Variants in PLEC observed in about 807,000 individuals in gnomAD.
PLEC encodes the protein plectin.
Under a neutral mutation model 392.8 loss-of-function variants are expected in PLEC, and 216 were observed. The observed-to-expected ratio is 0.55, with a 90% confidence interval of 0.49 to 0.62. PLEC has a LOEUF of 0.62. Ranked by LOEUF, PLEC falls within the 20% of genes least tolerant of loss-of-function variation. The pLI, the probability that PLEC is intolerant of heterozygous loss-of-function variation, is 0.00. For missense variants in PLEC, 6,863 were observed against 6,563.4 expected (o/e 1.05, Z -1.58); for synonymous variants, 3,621 against 2,980.6 (o/e 1.21, Z -7.00).
intron 10 of PLEC, 54 bp from the exon 11 acceptor site, chr8:143,934,499 G>A (rs1461244903): frequency 3.3e-5 from 53 of 1,605,972 alleles, no homozygotes; most frequent in African/African-American, 4.0e-5. Flanking sequence ...GGGGTGGGGC[G>A]CTGGGCCTTC....
intron 1 of PLEC, among the ~76,000 whole-genome samples, chr8:143,972,806 T>C (rs1833497665): frequency 6.6e-6 from 1 of 152,154 alleles, no homozygotes; most frequent in Non-Finnish European, 1.5e-5. Context: ...CAAGGGGGTC[T>C]GCCGAGGCAT....
At position 143,947,082 on chromosome 8, in the gene PLEC, C is replaced by T. The variant is rs571599785; in HGVS notation, c.523+3102G>A. On this transcript the variant is annotated intron_variant, in intron 1 of 31. Transcript: ENST00000322810. ...ACAGAAATCCCGCAAACGGGTGACT[C>T]GGCCAAGCCAGTGATCCCTGTGGAA... Among the ~76,000 whole-genome samples the T allele has an allele frequency of 4.6e-5, 7 of 152,356 alleles. No homozygotes were observed. In the South Asian group the frequency reaches 1.0e-3, roughly 23 times the overall value.
chr8:143,928,164 G>A (rs1554709369), intron 25 of PLEC, among the ~76,000 whole-genome samples, 172 bp from the exon 26 acceptor site: 2 of 152,284 alleles, frequency 1.3e-5, no homozygotes, highest in African/African-American at 4.8e-5. Context: ...CAGCCTTGGG[G>A]AGAAGGAGGT....
upstream of PLEC, chr8:143,942,340 G>A (rs1229137742): frequency 1.6e-5 from 26 of 1,596,574 alleles, no homozygotes; most frequent in Non-Finnish European, 2.0e-5. Context: ...GCCCCACTAG[G>A]TGAGAGCGAT....
intron 6 of PLEC, 77 bp downstream of exon 6, chr8:143,935,771 A>T (rs1272816923): frequency 2.0e-6 from 3 of 1,506,392 alleles, no homozygotes; most frequent in African/African-American, 1.4e-5. Flanking sequence ...CCCTGCCCCA[A>T]CGTGTCTGAA....
chr8:143,938,725 T>G (rs1421582425), intron 1 of PLEC, 33 bp from the exon 2 acceptor site: 1 of 1,605,658 alleles, frequency 6.2e-7, no homozygotes, highest in African/African-American at 1.3e-5. Context: ...ACCTGGGGCC[T>G]GGGAGAAGCC....
Position 143,919,242 on chromosome 8 carries a change from G to A in PLEC, c.10579C>T (p.Leu3527=), listed in dbSNP as rs782446772. The A allele has an allele frequency of 3.1e-6, 5 of 1,613,902 alleles. No homozygotes were observed. Among genetic ancestry groups the A allele is most frequent in the Non-Finnish European group, 3.4e-6 (4 of 1,180,040 alleles). ...THENLTYRQL[L]ERCVEDPETG... ...TCGGGGTCCTCCACGCACCGCTCCA[G>A]CAGCTGCCTGTACGTGAGGTTCTCA... Residue 3527 remains leucine (L), a synonymous_variant, in exon 32 of 32, where the codon CTG becomes TTG. Transcript: ENST00000345136.
chr8:143,953,357 G>A (rs1000581117), upstream of PLEC, among the ~76,000 whole-genome samples: 1 of 147,276 alleles, frequency 6.8e-6, no homozygotes, highest in Non-Finnish European at 1.5e-5. Context: ...CCTGCCCCTT[G>A]GACGCCAGGT....
In PLEC at chr8:143,930,272, G is replaced by A. The variant is rs367851580; in HGVS notation, c.2484C>T (p.Cys828=). The A allele has an allele frequency of 1.7e-5, 28 of 1,602,934 alleles. No individual in the cohort carries two copies. In the African/African-American group the frequency reaches 3.2e-4, roughly 18 times the overall value. The change falls in exon 21 of 32, where the codon TGC becomes TGT. Residue 828 remains cysteine (C), a synonymous_variant. Transcript: ENST00000345136. The part of the protein sequence containing the change: ...VEVTVHKGDE[C]QLVGPAQPSH... The stretch of plus-strand genomic sequence containing the variant: ...ACGGCTGTGCAGGGCCCACCAGCTG[G>A]CACTCGTCACCCTTGTGCACAGTCA...
chr8:143,966,251 C>A (rs1419575083), intron 1 of PLEC, among the ~76,000 whole-genome samples: 2 of 152,234 alleles, frequency 1.3e-5, no homozygotes, highest in Non-Finnish European at 2.9e-5. Flanking sequence ...TGCTTCCCGG[C>A]TGCCTCTTCT....
At chr8:143,937,301 A>G (rs1829314782) in intron 3 of PLEC, 59 bp from the exon 4 acceptor site, 2 of 1,322,082 alleles carry the variant, frequency 1.5e-6, no homozygotes, top group Non-Finnish European at 2.2e-6. Flanking sequence ...CCCCACCCTC[A>G]GCATGCCCCA....
chr8:143,950,256 C>A lies in PLEC; in HGVS notation c.451G>T (p.Glu151Ter). The A allele has an allele frequency of 6.4e-7, 1 of 1,570,940 alleles. No individual in the cohort carries two copies. Among genetic ancestry groups the A allele is most frequent in the East Asian group, 2.3e-5 (1 of 42,554 alleles). Residue 151 changes from glutamate to a stop codon, truncating the protein, a stop_gained, in exon 1 of 32, where the codon GAG becomes TAG. Coordinates refer to the PLEC transcript ENST00000322810. LOFTEE classifies it high-confidence loss of function. Reference sequence around the variant, plus strand: ...GTGGTAGCAGGCACCACAGGGGTCTCAGGTGACACCTCCTCAAGCTCCTTC... The same window carrying A: ...GTGGTAGCAGGCACCACAGGGGTCTAAGGTGACACCTCCTCAAGCTCCTTC...
chr8:143,949,314 C>T (rs1380668084), intron 1 of PLEC, among the ~76,000 whole-genome samples: 1 of 152,252 alleles, frequency 6.6e-6, no homozygotes, highest in African/African-American at 2.4e-5. Context: ...GGGCCAGGTG[C>T]TGGGGGACCG....
In PLEC at chr8:143,924,249, G is replaced by A. The variant is rs782597430; in HGVS notation, c.5680C>T (p.Arg1894Cys). The A allele has an allele frequency of 8.1e-6, 13 of 1,597,608 alleles. No individual in the cohort carries two copies. The highest frequency in any genetic ancestry group is 4.5e-5 in the East Asian group (2 of 44,768). The stretch of plus-strand genomic sequence containing the variant: ...GATGCCTTGCGCAGCTGGGCCAGGC[G>A]CTCCTCGATGTCAGCCTTGTGTTGC... The part of the protein sequence containing the change: ...AAQHKADIEE[R>C]LAQLRKASDS... Residue 1894 changes from arginine to cysteine, a missense_variant, in exon 31 of 32, where the codon CGC (arginine) becomes TGC (cysteine). Coordinates refer to ENST00000345136, the MANE Select transcript of PLEC (RefSeq NM_201384.3).
upstream of PLEC, chr8:143,950,891 C>G: frequency 7.9e-7 from 1 of 1,271,552 alleles, no homozygotes; most frequent in Non-Finnish European, 1.1e-6. Flanking sequence ...CTGTGTGGCT[C>G]GTGGCGCCTG....
At position 143,927,446 on chromosome 8, in the gene PLEC, G is replaced by A; in HGVS notation, c.3720C>T (p.Asp1240=). The stretch of plus-strand genomic sequence containing the variant: ...GCAGCTGCTCCCGCACAGCCTGGCT[G>A]TCGGCCAGCGGCATGGCCTGGATCT... The part of the protein sequence containing the change: ...QEQIQAMPLA[D]SQAVREQLRQ... Residue 1240 remains aspartate (D), a synonymous_variant, in exon 27 of 32, where the codon GAC becomes GAT. Transcript: ENST00000345136. 6.3e-7 allele frequency: 1 copy of A among 1,599,228 alleles called. No homozygotes were observed. Among genetic ancestry groups the A allele is most frequent in the Non-Finnish European group, 8.5e-7 (1 of 1,178,516 alleles).
chr8:143,975,269 C>T, upstream of PLEC: 6 of 1,609,696 alleles, frequency 3.7e-6, no homozygotes, highest in South Asian at 1.1e-5. The surrounding 1 kb of genome is among the most constrained non-coding windows in gnomAD (Gnocchi z 9.9). Context: ...CTGCGTTTTC[C>T]CAAGGTTCCA....
chr8:143,923,032 C>T lies in PLEC; in HGVS notation c.6897G>A (p.Glu2299=), dbSNP rs2131297805. 1 of 1,611,690 alleles carries T rather than the reference C, an allele frequency of 6.2e-7. No homozygotes were observed. The highest frequency in any genetic ancestry group is 1.1e-5 in the South Asian group (1 of 90,962). ...CCAAGGCCCGCTGCTGTGCCAGGTCCTCCTCTGCCAGCTGCCGCAGTCGCG... is the reference window on the plus strand; with the variant it reads ...CCAAGGCCCGCTGCTGTGCCAGGTCTTCCTCTGCCAGCTGCCGCAGTCGCG... ...EAARLRQLAE[E]DLAQQRALAE... The change falls in exon 31 of 32, where the codon GAG becomes GAA. Residue 2299 remains glutamate (E), a synonymous_variant. Transcript: ENST00000345136.
upstream of PLEC, among the ~76,000 whole-genome samples, chr8:143,941,371 T>C (rs1232088681): frequency 4.6e-5 from 7 of 152,026 alleles, no homozygotes; most frequent in Non-Finnish European, 7.4e-5. Context: ...TGTTCCAGCC[T>C]TCTCCCTGCC....
Sources: gnomAD v4.1 joint callset for allele counts (sites outside exome capture counted in the v4.1 genomes callset) on GRCh38, gnomAD v4.1.1 for gene constraint, Gnocchi (gnomAD v3.1) non-coding constraint, MANE v1.5 for transcripts, NCBI Gene and HGNC (gene_info 2026-07-23, HGNC 2026-07-21) for gene names.